Variants in HDAC9 observed in about 807,000 individuals in gnomAD.
The protein encoded by HDAC9 is histone deacetylase 9.
A neutral mutation model predicts 139.4 loss-of-function variants in HDAC9; 41 were observed. The observed-to-expected ratio is 0.29, with a 90% CI of 0.23 to 0.38. The LOEUF is 0.38. HDAC9 is among the 10% of genes least tolerant of loss of function. The pLI is 1.00. For synonymous variants in HDAC9, 517 were observed against 476.2 expected (o/e 1.09, Z -1.12); for missense variants, 1,147 against 1,297.0 (o/e 0.88, Z 1.78).
intron 12 of HDAC9, among the ~76,000 whole-genome samples, chr7:18,687,689 A>G (rs1282597529): frequency 6.6e-6 from 1 of 151,908 alleles, no homozygotes; most frequent in African/African-American, 2.4e-5. Flanking sequence ...CTGAAGGTTA[A>G]TTAATGGACT....
Position 18,221,106 on chromosome 7 carries a change from C to CTTTTTTTTTTTTTTTT in HDAC9, c.25+58770_25+58771insTTTTTTTTTTTTTTTT, listed in dbSNP as rs537033538. On this transcript the variant is annotated intron_variant, in intron 2 of 12. Transcript: ENST00000417496. The stretch of plus-strand genomic sequence containing the variant: ...TCTATAATATTTTGCATTTCTATTC[C>CTTTTTTTTTTTTTTTT]TTTTTTTTTTTTTGTGACGGAGTTT... 5.0e-3 allele frequency among the ~76,000 whole-genome samples: 695 copies of CTTTTTTTTTTTTTTTT among 139,088 alleles called. 12 individuals carry two copies. The highest frequency in any genetic ancestry group is 0.018 in the African/African-American group (658 of 35,912). The allele number at this position is 139,088 out of a possible 152,430, so 91.2% of individuals were successfully genotyped here.
chr7:18,098,734 A>C lies in HDAC9; in HGVS notation c.-97+11521A>C, dbSNP rs1477258767. Among the ~76,000 whole-genome samples the C allele has an allele frequency of 6.6e-5, 10 of 151,944 alleles. 1 individual carries two copies. The highest frequency in any genetic ancestry group is 2.4e-4 in the African/African-American group (10 of 41,350). On this transcript the variant is annotated intron_variant, in intron 1 of 12. Coordinates refer to the HDAC9 transcript ENST00000417496. ...TCTCCTCTTTATTCCTTCTATTTCTACTTTCAGTCCAGCACACAGCTGCTC... is the reference window on the plus strand; with the variant it reads ...TCTCCTCTTTATTCCTTCTATTTCTCCTTTCAGTCCAGCACACAGCTGCTC...
chr7:18,508,655 G>A (rs746043066), intron 2 of HDAC9, among the ~76,000 whole-genome samples: 1 of 152,090 alleles, frequency 6.6e-6, no homozygotes, highest in Non-Finnish European at 1.5e-5. Flanking sequence ...AGCAGTATGA[G>A]TCATTGCTAG....
rs144078887 is a variant in HDAC9 at position 18,237,970 on chromosome 7, T to A, written c.25+75621T>A. On this transcript the variant is annotated intron_variant, in intron 2 of 12. Transcript: ENST00000417496. ...TGGCCATAAATCTTTTGTTTGGTCC[T>A]TAATACATTTGGTGCTATGAAATTA... 1.6e-3 allele frequency among the ~76,000 whole-genome samples: 237 copies of A among 152,314 alleles called. 1 individual carries two copies. Among genetic ancestry groups the A allele is most frequent in the African/African-American group, 5.4e-3 (225 of 41,562 alleles).
At chr7:18,835,436 G>C (rs775182495) in intron 19 of HDAC9, 31 bp from the exon 20 acceptor site, 1 of 1,601,950 alleles carries the variant, frequency 6.2e-7, no homozygotes, top group Non-Finnish European at 8.5e-7. Flanking sequence ...AGACATGACT[G>C]TATTTGTCGT....
chr7:18,503,221 A>G (rs1798867233), intron 2 of HDAC9, among the ~76,000 whole-genome samples: 1 of 152,194 alleles, frequency 6.6e-6, no homozygotes, highest in Non-Finnish European at 1.5e-5. Flanking sequence ...TGTTTTTGAA[A>G]GGAAGCTGAA....
intron 21 of HDAC9, among the ~76,000 whole-genome samples, chr7:18,836,376 T>C (rs1379195294): frequency 6.6e-6 from 1 of 152,218 alleles, no homozygotes; most frequent in Non-Finnish European, 1.5e-5. Context: ...CAAACTTCAT[T>C]GGACTACAGA....
In HDAC9 at chr7:18,961,763, T is replaced by C. The variant is rs544800445; in HGVS notation, c.3022+7533T>C. Among the ~76,000 whole-genome samples the C allele has an allele frequency of 1.8e-3, 273 of 152,322 alleles. 3 individuals are homozygous for C. Among genetic ancestry groups the C allele is most frequent in the African/African-American group, 6.3e-3 (261 of 41,580 alleles). ...TTTTCATTCCCATTTTATAGTGAAGTAAACTGAGGCACATCAAGGTTCATT... is the reference window on the plus strand; with the variant it reads ...TTTTCATTCCCATTTTATAGTGAAGCAAACTGAGGCACATCAAGGTTCATT... On this transcript the variant is annotated intron_variant, in intron 24 of 25. Transcript: ENST00000686413.
intron 1 of HDAC9, among the ~76,000 whole-genome samples, chr7:18,489,026 A>G (rs935994466): frequency 1.3e-5 from 2 of 152,056 alleles, no homozygotes; most frequent in African/African-American, 4.8e-5. Flanking sequence ...ATAAGAAACT[A>G]TATAAAATGA....
chr7:18,443,936 ATATG>A (rs72227358), intron 1 of HDAC9, among the ~76,000 whole-genome samples: 5,437 of 151,650 alleles, frequency 0.036, 128 homozygotes, highest in African/African-American at 0.069. Context: ...ATATGTATAT[ATATG>A]TATGTATGTA....
At chr7:18,538,292 C>T (rs114147658) in intron 2 of HDAC9, among the ~76,000 whole-genome samples, 26 of 152,242 alleles carry the variant, frequency 1.7e-4, no homozygotes, top group African/African-American at 5.5e-4. Flanking sequence ...TGCTAATTAT[C>T]ACACAGCTCA....
At chr7:18,695,681 G>C (rs191085386) in intron 12 of HDAC9, among the ~76,000 whole-genome samples, 32 of 152,204 alleles carry the variant, frequency 2.1e-4, no homozygotes, top group African/African-American at 7.7e-4. Flanking sequence ...AGAATGAACG[G>C]GTGGTTTATG....
upstream of HDAC9, among the ~76,000 whole-genome samples, chr7:18,287,632 G>A (rs1797536474): frequency 6.6e-6 from 1 of 152,216 alleles, no homozygotes; most frequent in Admixed American, 6.5e-5. Flanking sequence ...GGCCACAGTT[G>A]GCCTTAGCCA....
At chr7:18,421,353 G>A (rs1052841511) in intron 1 of HDAC9, among the ~76,000 whole-genome samples, 1 of 145,604 alleles carries the variant, frequency 6.9e-6, no homozygotes, top group African/African-American at 2.5e-5. Flanking sequence ...CAGAAAAAAG[G>A]AAGGAAGGGG....
intron 2 of HDAC9, among the ~76,000 whole-genome samples, chr7:18,557,283 T>C (rs1390909596): frequency 6.6e-6 from 1 of 151,738 alleles, no homozygotes; most frequent in Non-Finnish European, 1.5e-5. Context: ...AAGGAGATTC[T>C]GCAAACACTT....
chr7:18,751,399 A>C (rs562447301), intron 14 of HDAC9, among the ~76,000 whole-genome samples: 1 of 152,244 alleles, frequency 6.6e-6, no homozygotes, highest in African/African-American at 2.4e-5. Flanking sequence ...AACAATGCAA[A>C]TAGAAGCCAC....
At chr7:18,207,261 A>G (rs1490956037) in intron 2 of HDAC9, among the ~76,000 whole-genome samples, 1 of 152,044 alleles carries the variant, frequency 6.6e-6, no homozygotes, top group Non-Finnish European at 1.5e-5. Flanking sequence ...ATCTTATAAG[A>G]ACATGTTCAA....
exon 1 of HDAC9, chr7:18,086,997 T>TCGCCGCGGTCTCCTCCTCTAGCGCC (rs1417324394): frequency 1.3e-5 from 2 of 150,580 alleles, no homozygotes; most frequent in Non-Finnish European, 3.0e-5. Flanking sequence ...CTCGCCGCTT[T>TCGCCGCGGTCTCCTCCTCTAGCGCC]CGCCGCGGTC....
rs532465079 is a variant in HDAC9, at chr7:18,861,569, C to T, written c.2685-12909C>T. Among the ~76,000 whole-genome samples the T allele has an allele frequency of 2.0e-5, 3 of 152,122 alleles. No homozygotes were observed. In the South Asian group the frequency reaches 6.2e-4, roughly 32 times the overall value. On this transcript the variant is annotated intron_variant, in intron 21 of 25. Coordinates refer to ENST00000686413, the MANE Select transcript of HDAC9 (RefSeq NM_178425.4). ...TAATACTATTCTCACAGACAATGTC[C>T]CAAAGTCAGGAAGAGATACTGTTGA...
Sources: gnomAD v4.1 joint callset for allele counts (sites outside exome capture counted in the v4.1 genomes callset) on GRCh38, gnomAD v4.1.1 for gene constraint, MANE v1.5 for transcripts, NCBI Gene and HGNC (gene_info 2026-07-23, HGNC 2026-07-21) for gene names.